TRPM7: variants seen among roughly 807,000 people sequenced by gnomAD.
The protein encoded by TRPM7 is transient receptor potential cation channel subfamily M member 7, also known as LTRPC ion channel family member 7.
In TRPM7, 134 loss-of-function variants were observed where a neutral mutation model predicts 229.7. The ratio of observed to expected loss-of-function variants is 0.58; its 90% CI spans 0.51 to 0.67. The LOEUF is 0.67. TRPM7 is among the 30% of genes least tolerant of loss of function. The pLI is 0.00. For missense variants in TRPM7, 1,901 were observed against 2,210.0 expected (o/e 0.86, Z 2.80); for synonymous variants, 699 against 715.2 (o/e 0.98, Z 0.36).
At chr15:50,596,986 G>C (rs2059649879) in intron 22 of TRPM7, among the ~76,000 whole-genome samples, 1 of 152,160 alleles carries the variant, frequency 6.6e-6, no homozygotes, top group Non-Finnish European at 1.5e-5. Context: ...CTGACCTCGT[G>C]ATCTGTCAGC....
chr15:50,594,348 G>T, intron 24 of TRPM7, 81 bp downstream of exon 24: 7 of 1,284,952 alleles, frequency 5.4e-6, no homozygotes, highest in Non-Finnish European at 7.5e-6. Flanking sequence ...AGTCATTTTT[G>T]AATAAAATCA....
chr15:50,606,598 A>C (rs2059925257), intron 20 of TRPM7, among the ~76,000 whole-genome samples: 1 of 152,044 alleles, frequency 6.6e-6, no homozygotes, highest in Admixed American at 6.5e-5. Context: ...TCCTGGGTTC[A>C]AGTGATTCTC....
At chr15:50,646,151 T>C (rs1217357843) in intron 4 of TRPM7, among the ~76,000 whole-genome samples, 1 of 148,176 alleles carries the variant, frequency 6.7e-6, no homozygotes, top group African/African-American at 2.5e-5. Context: ...ACAAAGGCAG[T>C]GAGAATTTGT....
chr15:50,642,308 T>C (rs921962191), intron 5 of TRPM7, among the ~76,000 whole-genome samples: 2 of 152,214 alleles, frequency 1.3e-5, no homozygotes, highest in Admixed American at 6.5e-5. Flanking sequence ...ATAAGCTTTA[T>C]AGGGTATACC....
intron 31 of TRPM7, among the ~76,000 whole-genome samples, chr15:50,576,145 T>C (rs2054120924): frequency 6.6e-6 from 1 of 152,200 alleles, no homozygotes; most frequent in South Asian, 2.1e-4. Context: ...GAAGAGCACA[T>C]TATGCTGCAC....
At chr15:50,575,193 G>T in intron 33 of TRPM7, 58 bp from the exon 34 acceptor site, 1 of 1,459,788 alleles carries the variant, frequency 6.9e-7, no homozygotes, top group Non-Finnish European at 9.2e-7. Flanking sequence ...AAACGACAAA[G>T]TAAAATAAAA....
At chr15:50,624,853 G>T (rs1212246536) in intron 11 of TRPM7, among the ~76,000 whole-genome samples, 1 of 152,094 alleles carries the variant, frequency 6.6e-6, no homozygotes, top group Non-Finnish European at 1.5e-5. Flanking sequence ...CATAGTTTTT[G>T]TTCTACAGTG....
intron 28 of TRPM7, among the ~76,000 whole-genome samples, chr15:50,583,575 G>GTT (rs539720713): frequency 0.078 from 8,486 of 108,654 alleles, 360 homozygotes; most frequent in African/African-American, 0.15. Context: ...TAAGCTTAGA[G>GTT]TTTTGTTTTT....
chr15:50,566,628 G>A (rs1247233128), intron 38 of TRPM7, among the ~76,000 whole-genome samples: 1 of 152,038 alleles, frequency 6.6e-6, no homozygotes, highest in African/African-American at 2.4e-5. Context: ...CCTGGGAGGT[G>A]GAGGGTGCAG....
chr15:50,639,676 C>T, intron 5 of TRPM7, 128 bp from the exon 6 acceptor site: 1 of 668,676 alleles, frequency 1.5e-6, no homozygotes, highest in Non-Finnish European at 2.3e-6. Flanking sequence ...AAGCGATCCT[C>T]CCTTGTGAGC....
In TRPM7 at chr15:50,572,930, A is replaced by G. The variant is rs183429990; in HGVS notation, c.5308+1344T>C. Reference sequence around the variant, plus strand: ...TTGAAATTAAGTCTGCTCTTCAGGGAGAAAAATTATGGAAGCCATAATGAA... The same window carrying G: ...TTGAAATTAAGTCTGCTCTTCAGGGGGAAAAATTATGGAAGCCATAATGAA... On this transcript the variant is annotated intron_variant, in intron 36 of 38. Transcript: ENST00000646667. 2.0e-3 allele frequency among the ~76,000 whole-genome samples: 310 copies of G among 152,310 alleles called. 1 individual carries two copies. Among genetic ancestry groups the G allele is most frequent in the African/African-American group, 6.5e-3 (271 of 41,564 alleles).
Position 50,589,655 on chromosome 15 carries a change from T to A in TRPM7, c.4326A>T (p.Gly1442=), listed in dbSNP as rs1453899953. 6.3e-7 allele frequency: 1 copy of A among 1,584,550 alleles called. No individual in the cohort carries two copies. The highest frequency in any genetic ancestry group is 1.2e-5 in the South Asian group (1 of 86,734). The change falls in exon 27 of 39, where the codon GGA becomes GGT. Residue 1442 remains glycine, a splice_region_variant and synonymous_variant. Transcript: ENST00000646667. ...TCTGTAAATCCATGCTATCTCTGTGTCCTTTAATAGAAAAAAAGATGTTGC... is the reference window on the plus strand; with the variant it reads ...TCTGTAAATCCATGCTATCTCTGTGACCTTTAATAGAAAAAAAGATGTTGC... The part of the protein sequence containing the change: ...GDNTEFGAFV[G]HRDSMDLQRF...
chr15:50,677,788 G>C (rs1326114212), intron 1 of TRPM7, among the ~76,000 whole-genome samples: 1 of 134,632 alleles, frequency 7.4e-6, no homozygotes, highest in African/African-American at 2.8e-5. Flanking sequence ...CCTCTACTAA[G>C]TAACAATCCC....
intron 38 of TRPM7, among the ~76,000 whole-genome samples, chr15:50,563,698 T>TA (rs1305120902): frequency 5.3e-5 from 8 of 152,202 alleles, no homozygotes; most frequent in African/African-American, 1.9e-4. Context: ...TTGGACACGT[T>TA]ACTAAAGATG....
chr15:50,586,516 T>C, intron 27 of TRPM7, 28 bp from the exon 28 acceptor site: 8 of 1,451,790 alleles, frequency 5.5e-6, no homozygotes, highest in Non-Finnish European at 7.7e-6. Context: ...ACATATAATT[T>C]GAAAATAATT....
At chr15:50,647,579 A>G (rs1176317388) in intron 4 of TRPM7, among the ~76,000 whole-genome samples, 1 of 152,124 alleles carries the variant, frequency 6.6e-6, no homozygotes, top group East Asian at 1.9e-4. Context: ...CCCTGTCTCT[A>G]CTAAAAATAC....
chr15:50,585,048 GTATTT>G (rs1170618575), intron 28 of TRPM7, among the ~76,000 whole-genome samples: 3 of 85,790 alleles, frequency 3.5e-5, no homozygotes, highest in African/African-American at 1.3e-4. Context: ...GCTAATTTTT[GTATTT>G]TTTTTTTTTT....
intron 3 of TRPM7, among the ~76,000 whole-genome samples, chr15:50,653,126 A>T (rs1207816854): frequency 6.6e-6 from 1 of 152,140 alleles, no homozygotes; most frequent in Non-Finnish European, 1.5e-5. Context: ...TCTGGGCCAC[A>T]GAGTGAGACC....
Position 50,609,673 on chromosome 15 carries a change from T to C in TRPM7, c.2488A>G (p.Met830Val). The C allele has an allele frequency of 6.2e-7, 1 of 1,611,560 alleles. No homozygotes were observed. Among genetic ancestry groups the C allele is most frequent in the Non-Finnish European group, 8.5e-7 (1 of 1,178,578 alleles). ...ILDSNEGKNE[M>V]EIQMKSKKLP... ...TTTTTTGATTTCATTTGTATCTCCATCTCATTCTTTCCTTCATTACTATCC... is the reference window on the plus strand; with the variant it reads ...TTTTTTGATTTCATTTGTATCTCCACCTCATTCTTTCCTTCATTACTATCC... The change falls in exon 19 of 39, where the codon ATG becomes GTG. Residue 830 changes from methionine to valine, a missense_variant. By Grantham distance (21) the Met-to-Val change is conservative. Transcript: ENST00000646667.
Sources: gnomAD v4.1 joint callset for allele counts (sites outside exome capture counted in the v4.1 genomes callset) on GRCh38, gnomAD v4.1.1 for gene constraint, MANE v1.5 for transcripts, NCBI Gene and HGNC (gene_info 2026-07-23, HGNC 2026-07-21) for gene names.